AHNAK2: variants seen among roughly 807,000 people sequenced by gnomAD.
AHNAK2 encodes protein AHNAK2.
Under a neutral mutation model 30.7 loss-of-function variants are expected in AHNAK2, and 18 were observed. The ratio of observed to expected loss-of-function variants is 0.59; its 90% confidence interval spans 0.41 to 0.87. The LOEUF (loss-of-function observed/expected upper bound fraction) is 0.87, where lower values mean the gene tolerates loss of function less well. Ranked by LOEUF, AHNAK2 falls within the 40% of genes least tolerant of loss-of-function variation. The probability of loss-of-function intolerance (pLI) is 0.00; values close to 1 mark genes in which losing one functional copy is unlikely to be tolerated. For synonymous variants in AHNAK2, 3,590 were observed against 3,073.8 expected, an observed-to-expected ratio of 1.17 and a Z score of -5.56; for missense variants, 8,604 against 7,373.0, an observed-to-expected ratio of 1.17 and a Z score of -6.11.
rs747591752 is a variant in AHNAK2 at position 104,942,320 on chromosome 14, G to A, written c.13131C>T (p.Leu4377=). 9 of 1,613,240 alleles carry A rather than the reference G, an allele frequency of 5.6e-6. No homozygotes were observed. Among genetic ancestry groups the A allele is most frequent in the South Asian group, 2.2e-5 (2 of 91,080 alleles). The change falls in exon 7 of 7, where the codon CTC becomes CTT. Residue 4377 remains leucine (L), a synonymous_variant. Coordinates refer to ENST00000333244, the MANE Select transcript of AHNAK2 (RefSeq NM_138420.4). Reference sequence around the variant, plus strand: ...TCTGCAGCTTCGGCAGGTGCCCTTTGAGGCCGGCTCCCTCATGCACAGGGC... The same window carrying A: ...TCTGCAGCTTCGGCAGGTGCCCTTTAAGGCCGGCTCCCTCATGCACAGGGC... ...PEGPVHEGAG[L]KGHLPKLQMP...
chr14:104,947,559 T>A lies in AHNAK2; in HGVS notation c.7892A>T (p.Glu2631Val). ...CTTGTCGGCCAGGGACAGGTCCCCC[T>A]CCAGCCGCGCACCATCCAGCTTTGC... Reference protein sequence around the residue: ...PRAKLDGARLEGDLSLADKGV... With the variant: ...PRAKLDGARLVGDLSLADKGV... The change falls in exon 7 of 7, where the codon GAG (glutamate) becomes GTG (valine). Residue 2631 changes from glutamate (E) to valine (V), a missense_variant. Physicochemically the swap from Glu to Val is moderately radical, Grantham distance 121 (BLOSUM62 -2). Coordinates refer to ENST00000333244, the MANE Select transcript of AHNAK2 (RefSeq NM_138420.4). 6.2e-7 allele frequency: 1 copy of A among 1,612,816 alleles called. No individual in the cohort carries two copies. The highest frequency in any genetic ancestry group is 8.5e-7 in the Non-Finnish European group (1 of 1,179,660).
chr14:104,942,792 T>C lies in AHNAK2; in HGVS notation c.12659A>G (p.Gln4220Arg). ...AGLKGHLPKVQMPCLKMPKVA... is the reference protein window; with the variant it reads ...AGLKGHLPKVRMPCLKMPKVA... Reference sequence around the variant, plus strand: ...TTTGGGCATCTTCAAACAGGGCATCTGCACCTTGGGGAGGTGCCCTTTGAG... The same window carrying C: ...TTTGGGCATCTTCAAACAGGGCATCCGCACCTTGGGGAGGTGCCCTTTGAG... Residue 4220 changes from glutamine to arginine, a missense_variant, in exon 7 of 7, where the codon CAG (glutamine) becomes CGG (arginine). Physicochemically the swap from Gln to Arg is conservative, Grantham distance 43. Transcript: ENST00000333244. 1.2e-6 allele frequency: 2 copies of C among 1,612,916 alleles called. No homozygotes were observed. The highest frequency in any genetic ancestry group is 1.7e-6 in the Non-Finnish European group (2 of 1,179,574).
chr14:104,947,404 T>C lies in AHNAK2; in HGVS notation c.8047A>G (p.Ser2683Gly). The C allele has an allele frequency of 1.2e-6, 2 of 1,612,432 alleles. No homozygotes were observed. Among genetic ancestry groups the C allele is most frequent in the South Asian group, 2.2e-5 (2 of 91,036 alleles). The change falls in exon 7 of 7, where the codon AGC (serine) becomes GGC (glycine). Residue 2683 changes from serine to glycine, a missense_variant. Transcript: ENST00000333244. Reference sequence around the variant, plus strand: ...AGGTCCCCTTGCATGGAGGGGAGGCTCATGTCGGCTTCCACCTTCAGCTCA... The same window carrying C: ...AGGTCCCCTTGCATGGAGGGGAGGCCCATGTCGGCTTCCACCTTCAGCTCA... Reference protein sequence around the residue: ...VSELKVEADMSLPSMQGDLKT... With the variant: ...VSELKVEADMGLPSMQGDLKT...
At position 104,954,142 on chromosome 14, in the gene AHNAK2, T is replaced by C. The variant is rs774481115; in HGVS notation, c.1309A>G (p.Lys437Glu). ...CCAGGAGTTGGCTGGGCCCTGGGCT[T>C]CCTCTGGGCCACTGCTGTCTCCTGT... ...QAQETAVAQR[K>E]PRAQPTPGMS... The change falls in exon 7 of 7, where the codon AAG becomes GAG. Residue 437 changes from lysine (K) to glutamate (E), a missense_variant. Coordinates refer to ENST00000333244, the MANE Select transcript of AHNAK2 (RefSeq NM_138420.4). This position sits in a 1 kb window ranked among gnomAD's most constrained non-coding sequence, Gnocchi z 4.3. 5.6e-6 allele frequency: 9 copies of C among 1,611,056 alleles called. No homozygotes were observed. The highest frequency in any genetic ancestry group is 7.6e-6 in the Non-Finnish European group (9 of 1,179,838).
rs201340294 is a variant in AHNAK2 at position 104,950,410 on chromosome 14, C to A, written c.5041G>T (p.Val1681Leu). ...SAPGKSIEAS[V>L]DVSEPKVEAD... ...TCCACCTTCGGCTCAGACACATCCA[C>A]CGAGGCCTCGATGGACTTGCCTGGG... The change falls in exon 7 of 7, where the codon GTG (valine) becomes TTG (leucine). Residue 1681 changes from valine (V) to leucine (L), a missense_variant. Physicochemically the swap from Val to Leu is conservative, Grantham distance 32. Transcript: ENST00000333244. 8 of 1,587,062 alleles carry A rather than the reference C, an allele frequency of 5.0e-6. No individual in the cohort carries two copies. Among genetic ancestry groups the A allele is most frequent in the Non-Finnish European group, 4.3e-6 (5 of 1,163,020 alleles).
Position 104,941,668 on chromosome 14 carries a change from C to G in AHNAK2, c.13783G>C (p.Glu4595Gln), listed in dbSNP as rs201322644. 8 of 1,613,658 alleles carry G rather than the reference C, an allele frequency of 5.0e-6. No individual in the cohort carries two copies. In the African/African-American group the frequency reaches 9.3e-5, roughly 19 times the overall value. Reference protein sequence around the residue: ...PDVEVSLPSVETDVQAPGSML... With the variant: ...PDVEVSLPSVQTDVQAPGSML... Reference sequence around the variant, plus strand: ...GATCCTGGGGCCTGGACATCCGTCTCCACGCTGGGCAGAGACACCTCCACA... The same window carrying G: ...GATCCTGGGGCCTGGACATCCGTCTGCACGCTGGGCAGAGACACCTCCACA... Residue 4595 changes from glutamate (E) to glutamine (Q), a missense_variant, in exon 7 of 7, where the codon GAG (glutamate) becomes CAG (glutamine). Coordinates refer to ENST00000333244, the MANE Select transcript of AHNAK2 (RefSeq NM_138420.4).
rs1361901424 is a variant in AHNAK2, at chr14:104,942,828, T to C, written c.12623A>G (p.Lys4208Arg). ...GAGGTGCCCTTTGAGGCCGGCTCCC[T>C]TGGGCAGGGGGCCCTCCGGGAGTTT... ...DVKLPEGPLP[K>R]GAGLKGHLPK... is the part of the protein sequence containing the mutation. The change falls in exon 7 of 7, where the codon AAG (lysine) becomes AGG (arginine). Residue 4208 changes from lysine to arginine, a missense_variant. Physicochemically the swap from Lys to Arg is conservative, Grantham distance 26 (BLOSUM62 2). Transcript: ENST00000333244. 3.7e-6 allele frequency: 6 copies of C among 1,612,582 alleles called. 1 individual carries two copies. In the South Asian group the frequency reaches 5.5e-5, roughly 15 times the overall value.
Position 104,952,317 on chromosome 14 carries a change from T to C in AHNAK2, c.3134A>G (p.Asp1045Gly), listed in dbSNP as rs1358175655. Residue 1045 changes from aspartate to glycine, a missense_variant, in exon 7 of 7, where the codon GAC (aspartate) becomes GGC (glycine). Physicochemically the swap from Asp to Gly is moderately conservative, Grantham distance 94. Coordinates refer to ENST00000333244, the MANE Select transcript of AHNAK2 (RefSeq NM_138420.4). The part of the protein sequence containing the change: ...PSMQGDLKTT[D>G]LSIQPASTDL... ...AGTAGAAGCAGGCTGAATGCTGAGG[T>C]CAGTGGTCTTCAGGTCCCCCTGCAT... The C allele has an allele frequency of 6.2e-7, 1 of 1,611,890 alleles. No homozygotes were observed. The highest frequency in any genetic ancestry group is 2.2e-5 in the East Asian group (1 of 44,688).
At chr14:104,975,532 G>T (rs1191626134) in intron 1 of AHNAK2, among the ~76,000 whole-genome samples, 1 of 152,184 alleles carries the variant, frequency 6.6e-6, no homozygotes, top group African/African-American at 2.4e-5. Flanking sequence ...GCTACAGAGG[G>T]GCTCCTTTGC....
chr14:104,948,748 GC>G lies in AHNAK2; in HGVS notation c.6702del (p.His2235ThrfsTer22). 6.2e-7 allele frequency: 1 copy of G among 1,612,030 alleles called. No homozygotes were observed. Among genetic ancestry groups the G allele is most frequent in the Non-Finnish European group, 8.5e-7 (1 of 1,179,602 alleles). On this transcript the variant is annotated frameshift_variant, in exon 7 of 7. Transcript: ENST00000333244. LOFTEE classifies it low-confidence loss of function (END_TRUNC). ...GPVPEEVGLK[G>X]HLPKLQMPSF... is the part of the protein sequence containing the mutation. ...CTGGGCATCTGCAGCTTGGGCAGGT[GC>G]CCTTTGAGGCCGACTTCCTCGGGCA...
intron 1 of AHNAK2, among the ~76,000 whole-genome samples, chr14:104,960,763 T>A (rs1899111633): frequency 6.6e-6 from 1 of 152,226 alleles, no homozygotes; most frequent in Non-Finnish European, 1.5e-5. Flanking sequence ...GAATTGTACA[T>A]TTACAATGGG....
chr14:104,967,954 C>T (rs898796351), intron 1 of AHNAK2, among the ~76,000 whole-genome samples: 25 of 152,242 alleles, frequency 1.6e-4, no homozygotes, highest in African/African-American at 6.0e-4. Context: ...TTTGCCCGCC[C>T]GGCCTCCGGT....
intron 1 of AHNAK2, among the ~76,000 whole-genome samples, chr14:104,963,108 T>C (rs74090135): frequency 1.0e-3 from 155 of 152,330 alleles, no homozygotes; most frequent in African/African-American, 3.2e-3. Context: ...GCATGGAGCC[T>C]GTGTACAACT....
At position 104,948,474 on chromosome 14, in the gene AHNAK2, A is replaced by G. The variant is rs199548217; in HGVS notation, c.6977T>C (p.Leu2326Pro). 723 of 1,606,602 alleles carry G rather than the reference A, an allele frequency of 4.5e-4. 25 individuals are homozygous for G. In the African/African-American group the frequency reaches 6.3e-3, roughly 14 times the overall value. ...GCCAAGGGCAGACACCCCAAACGAC[A>G]GCATCTTGAACTTGGGCATTTTGAA... ...SKFKMPKFKM[L>P]SFGVSALGKS... The change falls in exon 7 of 7, where the codon CTG becomes CCG. Residue 2326 changes from leucine to proline, a missense_variant. Physicochemically the swap from Leu to Pro is moderately conservative, Grantham distance 98. Coordinates refer to ENST00000333244, the MANE Select transcript of AHNAK2 (RefSeq NM_138420.4).
rs1441430408 is a variant in AHNAK2, at chr14:104,938,542, G to T, written c.16909C>A (p.Pro5637Thr). The change falls in exon 7 of 7, where the codon CCA becomes ACA. Residue 5637 changes from proline to threonine, a missense_variant. Transcript: ENST00000333244. ...ADEGRAPKDK[P>T]ESKKSGLLWF... ...AGCAGACCAGATTTTTTACTTTCTG[G>T]TTTGTCTTTTGGAGCCCTGCCTTCA... 2 of 1,613,352 alleles carry T rather than the reference G, an allele frequency of 1.2e-6. No individual in the cohort carries two copies. The highest frequency in any genetic ancestry group is 1.7e-6 in the Non-Finnish European group (2 of 1,179,746).
Position 104,949,851 on chromosome 14 carries a change from T to G in AHNAK2, c.5600A>C (p.Lys1867Thr). 1 of 1,587,604 alleles carries G rather than the reference T, an allele frequency of 6.3e-7. No homozygotes were observed. Among genetic ancestry groups the G allele is most frequent in the Non-Finnish European group, 8.6e-7 (1 of 1,163,092 alleles). The change falls in exon 7 of 7, where the codon AAG becomes ACG. Residue 1867 changes from lysine (K) to threonine (T), a missense_variant. Lys to Thr is a moderately conservative substitution (Grantham distance 78). Coordinates refer to ENST00000333244, the MANE Select transcript of AHNAK2 (RefSeq NM_138420.4). ...VSLPSMQGDL[K>T]TTDLCIPLPS... ...GAGCGGAATGCAGAGGTCCGTGGTC[T>G]TGAGGTCCCCCTGCATGGAGGGGAG... is the stretch of plus-strand genomic sequence containing the variant.
chr14:104,945,271 C>T lies in AHNAK2; in HGVS notation c.10180G>A (p.Val3394Met). Residue 3394 changes from valine to methionine, a missense_variant, in exon 7 of 7, where the codon GTG (valine) becomes ATG (methionine). Coordinates refer to ENST00000333244, the MANE Select transcript of AHNAK2 (RefSeq NM_138420.4). ...GGCATCTTGAAACTGGGCATCTCCA[C>T]CTTGGGCAGGTGCCCTTTGAGGCCA... ...GAGLKGHLPK[V>M]EMPSFKMPKV... 6.2e-7 allele frequency: 1 copy of T among 1,611,596 alleles called. No individual in the cohort carries two copies. Among genetic ancestry groups the T allele is most frequent in the African/African-American group, 1.3e-5 (1 of 74,240 alleles).
Position 104,947,585 on chromosome 14 carries a change from T to G in AHNAK2, c.7866A>C (p.Arg2622Ser). 6.2e-7 allele frequency: 1 copy of G among 1,612,646 alleles called. No individual in the cohort carries two copies. Among genetic ancestry groups the G allele is most frequent in the South Asian group, 1.1e-5 (1 of 91,028 alleles). ...SSMEVDVQAP[R>S]AKLDGARLEG... ...CCAGCCGCGCACCATCCAGCTTTGCTCTCGGGGCCTGGACGTCCACCTCCA... is the reference window on the plus strand; with the variant it reads ...CCAGCCGCGCACCATCCAGCTTTGCGCTCGGGGCCTGGACGTCCACCTCCA... Residue 2622 changes from arginine to serine, a missense_variant, in exon 7 of 7, where the codon AGA (arginine) becomes AGC (serine). Physicochemically the swap from Arg to Ser is moderately radical, Grantham distance 110 (BLOSUM62 -1). Coordinates refer to ENST00000333244, the MANE Select transcript of AHNAK2 (RefSeq NM_138420.4).
chr14:104,954,317 C>G lies in AHNAK2; in HGVS notation c.1134G>C (p.Glu378Asp), dbSNP rs1157517184. The G allele has an allele frequency of 3.7e-6, 6 of 1,613,552 alleles. No homozygotes were observed. The highest frequency in any genetic ancestry group is 4.2e-6 in the Non-Finnish European group (5 of 1,179,892). Reference protein sequence around the residue: ...ETGAATGSRREERAEQDREVM... With the variant: ...ETGAATGSRRDERAEQDREVM... ...CTTCTCGATCCTGTTCTGCCCTCTC[C>G]TCTCTCCTGCTGCCTGTGGCAGCCC... Residue 378 changes from glutamate to aspartate, a missense_variant, in exon 7 of 7, where the codon GAG (glutamate) becomes GAC (aspartate). Coordinates refer to ENST00000333244, the MANE Select transcript of AHNAK2 (RefSeq NM_138420.4). The surrounding 1 kb of genome is among the most constrained non-coding windows in gnomAD (Gnocchi z 4.3).
Sources: gnomAD v4.1 joint callset for allele counts (sites outside exome capture counted in the v4.1 genomes callset) on GRCh38, gnomAD v4.1.1 for gene constraint, Gnocchi (gnomAD v3.1) non-coding constraint, MANE v1.5 for transcripts, NCBI Gene and HGNC (gene_info 2026-07-23, HGNC 2026-07-21) for gene names.